The following CDK5RAP3 variants were observed in gnomAD, a reference collection of about 807,000 sequenced individuals.
CDK5RAP3 encodes the protein CDK5 regulatory subunit associated protein 3, also known as CDK5 regulatory subunit-associated protein 3.
Under a neutral mutation model 73.3 loss-of-function variants are expected in CDK5RAP3, and 58 were observed. The ratio of observed to expected loss-of-function variants is 0.79; its 90% CI spans 0.64 to 0.98. CDK5RAP3 has a LOEUF of 0.98. Ranked by LOEUF, CDK5RAP3 falls within the 50% of genes least tolerant of loss-of-function variation. The probability of loss-of-function intolerance (pLI) is 0.00; values close to 1 mark genes in which losing one functional copy is unlikely to be tolerated. For synonymous variants in CDK5RAP3, 224 were observed against 247.5 expected, an observed-to-expected ratio of 0.91 and a Z score of 0.89; for missense variants, 525 against 615.8, an observed-to-expected ratio of 0.85 and a Z score of 1.56.
chr17:47,981,172 C>G lies in CDK5RAP3; in HGVS notation c.1293C>G (p.Asp431Glu). The G allele has an allele frequency of 6.2e-7, 1 of 1,613,996 alleles. No homozygotes were observed. Among genetic ancestry groups the G allele is most frequent in the East Asian group, 2.2e-5 (1 of 44,870 alleles). ...TGAGTGCCCCGCACAGGTATGTGGA[C>G]CGAGTGACTGAATTCCTCCAGCAAA... ...FMILASPRYV[D>E]RVTEFLQQKL... The change falls in exon 13 of 14, where the codon GAC becomes GAG. Residue 431 changes from aspartate to glutamate, a missense_variant. Asp to Glu is a conservative substitution (Grantham distance 45). Transcript: ENST00000338399.
chr17:47,977,652 A>G (rs1413230798), intron 9 of CDK5RAP3, among the ~76,000 whole-genome samples, 180 bp from the exon 10 acceptor site: 2 of 152,104 alleles, frequency 1.3e-5, no homozygotes, highest in African/African-American at 4.8e-5. Context: ...GCAGGTGGGA[A>G]CACTACAGAG....
chr17:47,969,682 C>G, upstream of CDK5RAP3, among the ~76,000 whole-genome samples: 1 of 152,054 alleles, frequency 6.6e-6, no homozygotes, highest in East Asian at 1.9e-4. Context: ...TCAGACTCTC[C>G]CTTAGCTTCA....
upstream of CDK5RAP3, among the ~76,000 whole-genome samples, chr17:47,970,273 C>T (rs1391044873): frequency 1.3e-5 from 2 of 152,216 alleles, no homozygotes; most frequent in Non-Finnish European, 2.9e-5. Context: ...CCACTCGCTG[C>T]CTCAAACCAT....
upstream of CDK5RAP3, among the ~76,000 whole-genome samples, chr17:47,969,974 C>A (rs1183503162): frequency 6.6e-6 from 1 of 152,148 alleles, no homozygotes; most frequent in African/African-American, 2.4e-5. Flanking sequence ...AATCAATTGC[C>A]AAGTCCTATA....
chr17:47,972,511 T>C (rs2036293408), intron 2 of CDK5RAP3, among the ~76,000 whole-genome samples: 1 of 152,154 alleles, frequency 6.6e-6, no homozygotes, highest in African/African-American at 2.4e-5. Context: ...TTCACCACTC[T>C]GTAGTGCCAT....
In CDK5RAP3 at chr17:47,977,880, C is replaced by T. The variant is rs753630799; in HGVS notation, c.958C>T (p.Gln320Ter). Residue 320 changes from glutamine to a stop codon, truncating the protein, a stop_gained, in exon 10 of 14, where the codon CAG becomes TAG. Transcript: ENST00000338399. LOFTEE classifies it high-confidence loss of function. ...CTGGGGAGACGATGCTGTTGCTTTG[C>T]AGATCACAGTGCTGGAAGCAGGAAC... Reference protein sequence around the residue: ...IDWGDDAVALQITVLEAGTQA... With the variant: ...IDWGDDAVAL The T allele has an allele frequency of 6.2e-7, 1 of 1,614,038 alleles. No individual in the cohort carries two copies. Among genetic ancestry groups the T allele is most frequent in the Non-Finnish European group, 8.5e-7 (1 of 1,179,972 alleles).
Position 47,975,888 on chromosome 17 carries a change from C to G in CDK5RAP3, c.673C>G (p.Pro225Ala). ...VCESPTEQVL[P>A]MLRFVQKRGN... is the part of the protein sequence containing the mutation. ...TTGAAGCCCCACAGAGCAGGTGTTG[C>G]CAATGCTGCGGTTCGTGCAGAAGCG... The change falls in exon 8 of 14, where the codon CCA becomes GCA. Residue 225 changes from proline (P) to alanine (A), a missense_variant. Coordinates refer to ENST00000338399, the MANE Select transcript of CDK5RAP3 (RefSeq NM_176096.3). 9 of 1,614,178 alleles carry G rather than the reference C, an allele frequency of 5.6e-6. No individual in the cohort carries two copies. Among genetic ancestry groups the G allele is most frequent in the Non-Finnish European group, 7.6e-6 (9 of 1,180,044 alleles).
At chr17:47,976,072 C>A (rs1438798856) in intron 8 of CDK5RAP3, 59 bp downstream of exon 8, 1 of 1,570,668 alleles carries the variant, frequency 6.4e-7, no homozygotes, top group Non-Finnish European at 8.7e-7. Context: ...GTCCCCTCCC[C>A]ACCCCCAACA....
upstream of CDK5RAP3, among the ~76,000 whole-genome samples, chr17:47,968,556 C>A (rs1238190011): frequency 6.7e-6 from 1 of 148,336 alleles, no homozygotes; most frequent in African/African-American, 2.5e-5. Context: ...CTCACTCTGT[C>A]GCCCAGGCTG....
chr17:47,974,519 C>T, intron 5 of CDK5RAP3, 71 bp downstream of exon 5: 1 of 1,611,876 alleles, frequency 6.2e-7, no homozygotes, highest in South Asian at 1.1e-5. Flanking sequence ...AGATACCAGG[C>T]TTATAGGAGG....
At position 47,973,571 on chromosome 17, in the gene CDK5RAP3, G is replaced by A. The variant is rs369866182; in HGVS notation, c.105G>A (p.Leu35=). 6.2e-7 allele frequency: 1 copy of A among 1,614,182 alleles called. No homozygotes were observed. The change falls in exon 3 of 14, where the codon CTG becomes CTA. Residue 35 remains leucine (L), a synonymous_variant. Coordinates refer to ENST00000338399, the MANE Select transcript of CDK5RAP3 (RefSeq NM_176096.3). ...HCSLKWQSLV[L]TIREKINAAI... is the part of the protein sequence containing the mutation. ...GCCTGAAATGGCAGAGTCTGGTGCTGACGATCCGCGAGAAGATCAATGCTG... is the reference window on the plus strand; with the variant it reads ...GCCTGAAATGGCAGAGTCTGGTGCTAACGATCCGCGAGAAGATCAATGCTG...
upstream of CDK5RAP3, among the ~76,000 whole-genome samples, chr17:47,968,454 C>A (rs569297995): frequency 2.0e-5 from 3 of 151,488 alleles, no homozygotes; most frequent in Admixed American, 6.6e-5. Flanking sequence ...AGCTGAGTAG[C>A]TGGGACTGCA....
chr17:47,972,547 G>A (rs1021962706), intron 2 of CDK5RAP3, among the ~76,000 whole-genome samples: 5 of 152,030 alleles, frequency 3.3e-5, no homozygotes, highest in East Asian at 1.9e-4. Context: ...TGGTGGTCAC[G>A]GGGGAAGCTT....
chr17:47,971,111 C>T (rs1195800283), upstream of CDK5RAP3: 18 of 1,551,790 alleles, frequency 1.2e-5, no homozygotes, highest in Non-Finnish European at 1.5e-5. Flanking sequence ...GCGGGGCGGG[C>T]CACAGTCTCC....
At chr17:47,974,682 C>T (rs1029012326) in intron 5 of CDK5RAP3, 23 of 1,362,654 alleles carry the variant, frequency 1.7e-5, no homozygotes, top group African/African-American at 1.2e-4. Flanking sequence ...CGTGCCTCAG[C>T]GAGCAGGTGT....
At chr17:47,980,324 A>C in intron 11 of CDK5RAP3, 1 of 422,664 alleles carries the variant, frequency 2.4e-6, no homozygotes. Context: ...TCTGGAGTGC[A>C]GTGCAGCAAT....
intron 12 of CDK5RAP3, 71 bp from the exon 13 acceptor site, chr17:47,981,092 C>T: frequency 6.6e-7 from 1 of 1,510,652 alleles, no homozygotes; most frequent in Non-Finnish European, 9.0e-7. Context: ...AGCCTCTCAC[C>T]TCCCCAGCAG....
Position 47,973,520 on chromosome 17 carries a change from T to C in CDK5RAP3, c.54T>C (p.Asp18=). The C allele has an allele frequency of 1.9e-6, 3 of 1,613,778 alleles. No individual in the cohort carries two copies. The highest frequency in any genetic ancestry group is 2.5e-6 in the Non-Finnish European group (3 of 1,179,740). The change falls in exon 3 of 14, where the codon GAT becomes GAC. Residue 18 remains aspartate (D), a splice_region_variant and synonymous_variant. Transcript: ENST00000338399. ...CTAATTTGGGTGCTTCTCATGTAGA[T>C]TGGCTGGTGGACAGAAGGCACTGCA... ...PIDIQTSKLL[D]WLVDRRHCSL...
chr17:47,978,990 C>T, intron 11 of CDK5RAP3, 73 bp downstream of exon 11: 2 of 1,060,904 alleles, frequency 1.9e-6, no homozygotes, highest in East Asian at 4.7e-5. Flanking sequence ...AGATGCCTGA[C>T]CTGACCCCTC....
Sources: allele counts gnomAD v4.1 joint callset (sites outside exome capture counted in the v4.1 genomes callset), GRCh38; gene constraint gnomAD v4.1.1; transcripts MANE v1.5; gene names NCBI Gene and HGNC (gene_info 2026-07-23, HGNC 2026-07-21).